The following MACO1 variants were observed in gnomAD, a reference collection of about 807,000 sequenced individuals.
The protein encoded by MACO1 is macoilin 1.
In MACO1, 14 loss-of-function variants were observed where a neutral mutation model predicts 78.7. The ratio of observed to expected loss-of-function variants is 0.18; its 90% CI spans 0.12 to 0.28. The LOEUF (loss-of-function observed/expected upper bound fraction) is 0.28, where lower values mean the gene tolerates loss of function less well. MACO1 is among the 10% of genes least tolerant of loss of function. MACO1 has a pLI of 1.00. For synonymous variants in MACO1, 288 were observed against 291.6 expected (o/e 0.99, Z 0.12); for missense variants, 501 against 799.0 (o/e 0.63, Z 4.50).
chr1:25,449,518 C>T (rs369602066), intron 3 of MACO1, among the ~76,000 whole-genome samples: 10 of 152,072 alleles, frequency 6.6e-5, no homozygotes, highest in East Asian at 1.9e-4. Flanking sequence ...TTTTTGGGCT[C>T]GTTGATTTCT....
chr1:25,446,985 C>A (rs959381547), intron 2 of MACO1, 82 bp downstream of exon 2: 2 of 1,487,884 alleles, frequency 1.3e-6, no homozygotes, highest in African/African-American at 2.8e-5. Flanking sequence ...ACTCAGGTAA[C>A]TATGTTAGGA....
intron 1 of MACO1, among the ~76,000 whole-genome samples, chr1:25,440,234 A>G (rs899625760): frequency 4.0e-5 from 6 of 148,888 alleles, no homozygotes; most frequent in Non-Finnish European, 8.9e-5. Flanking sequence ...TCTCTACAAA[A>G]AAAAAAAAAA....
At chr1:25,497,060 G>A (rs1314378036) in intron 10 of MACO1, among the ~76,000 whole-genome samples, 3 of 152,170 alleles carry the variant, frequency 2.0e-5, no homozygotes. Flanking sequence ...ATAAGTGACA[G>A]AAAGGGAAGT....
intron 3 of MACO1, among the ~76,000 whole-genome samples, chr1:25,453,950 C>T (rs977147807): frequency 1.3e-5 from 2 of 151,996 alleles, no homozygotes; most frequent in South Asian, 2.1e-4. Context: ...TTTTGTGACT[C>T]GTAAATTATT....
chr1:25,431,019 C>G lies in MACO1; in HGVS notation c.-80C>G, dbSNP rs1234408532. 3.8e-5 allele frequency: 48 copies of G among 1,267,956 alleles called. No individual in the cohort carries two copies. The highest frequency in any genetic ancestry group is 7.5e-6 in the Non-Finnish European group (7 of 932,094). 78.5% of individuals were successfully genotyped at this position (1,267,956 alleles called of 1,614,324 possible). ...CCTCAGGGGTAGAGTCCAGGCCCGACGCGGGGCGGGCCAGCGGCGGCGGCA... is the reference window on the plus strand; with the variant it reads ...CCTCAGGGGTAGAGTCCAGGCCCGAGGCGGGGCGGGCCAGCGGCGGCGGCA... On this transcript the variant is annotated 5_prime_UTR_variant, in exon 1 of 11. Coordinates refer to ENST00000374343, the MANE Select transcript of MACO1 (RefSeq NM_018202.6).
At chr1:25,489,068 G>A in intron 8 of MACO1, 105 bp from the exon 9 acceptor site, 5 of 1,385,762 alleles carry the variant, frequency 3.6e-6, no homozygotes, top group Non-Finnish European at 4.8e-6. Flanking sequence ...TAATCTGCCT[G>A]CCTCGGCCTC....
Position 25,458,583 on chromosome 1 carries a change from A to C in MACO1, c.845A>C (p.Lys282Thr). 1 of 1,613,834 alleles carries C rather than the reference A, an allele frequency of 6.2e-7. No homozygotes were observed. Among genetic ancestry groups the C allele is most frequent in the Non-Finnish European group, 8.5e-7 (1 of 1,179,944 alleles). The stretch of plus-strand genomic sequence containing the variant: ...AATATTCTACAACCTGTAGACTCTA[A>C]AATACAAGAGATTGAGTATATGGAA... ...NNNILQPVDS[K>T]IQEIEYMENH... Residue 282 changes from lysine (K) to threonine (T), a missense_variant, in exon 6 of 11, where the codon AAA becomes ACA. Around this residue, in one of 5 missense-constraint regions of MACO1, gnomAD observed 90 missense variants for 85.7 expected, o/e 1.05. Transcript: ENST00000374343.
Position 25,448,924 on chromosome 1 carries a change from A to G in MACO1, c.339A>G (p.Val113=), listed in dbSNP as rs569961532. The G allele has an allele frequency of 5.4e-6, 8 of 1,479,284 alleles. No homozygotes were observed. Among genetic ancestry groups the G allele is most frequent in the Middle Eastern group, 1.8e-4 (1 of 5,568 alleles). The allele number at this position is 1,479,284 out of a possible 1,614,324, so 91.6% of individuals were successfully genotyped here. A position where few individuals can be genotyped will look rare whatever the true frequency, so the allele number is the denominator to read the frequency against. The part of the protein sequence containing the change: ...AASTYVWVQY[V]WHTERGVCLP... Reference sequence around the variant, plus strand: ...GCACATATGTATGGGTTCAGTACGTATGGCACACAGGTAAGTCTTAATGAT... The same window carrying G: ...GCACATATGTATGGGTTCAGTACGTGTGGCACACAGGTAAGTCTTAATGAT... Residue 113 remains valine (V), a synonymous_variant, in exon 3 of 11, where the codon GTA becomes GTG. Coordinates refer to ENST00000374343, the MANE Select transcript of MACO1 (RefSeq NM_018202.6).
chr1:25,468,597 A>T (rs1415885819), intron 6 of MACO1, among the ~76,000 whole-genome samples: 1 of 152,198 alleles, frequency 6.6e-6, no homozygotes, highest in Non-Finnish European at 1.5e-5. Context: ...TCACTCTTTT[A>T]TTCCGCTCCA....
chr1:25,431,133 G>C lies in MACO1; in HGVS notation c.35G>C (p.Arg12Pro), dbSNP rs1169399691. The C allele has an allele frequency of 6.3e-7, 1 of 1,598,148 alleles. No individual in the cohort carries two copies. The highest frequency in any genetic ancestry group is 1.1e-5 in the South Asian group (1 of 89,448). The change falls in exon 1 of 11, where the codon CGC becomes CCC. Residue 12 changes from arginine (R) to proline (P), a missense_variant. Arg to Pro is a moderately radical substitution (Grantham distance 103). Coordinates refer to ENST00000374343, the MANE Select transcript of MACO1 (RefSeq NM_018202.6). ...KRRNADCSKL[R>P]RPLKRNRITE... ...CGGAACGCCGACTGCAGTAAGCTCC[G>C]CCGCCCCCTAAAGCGGAACCGGATC...
chr1:25,484,099 A>G lies in MACO1; in HGVS notation c.1155-17A>G, dbSNP rs755535986. On this transcript the variant is annotated splice_polypyrimidine_tract_variant and intron_variant, in intron 6 of 10. Coordinates refer to ENST00000374343, the MANE Select transcript of MACO1 (RefSeq NM_018202.6). ...GCCCTCACCTAGATGAAAATGCTGC[A>G]TTTCTCATTCTCCTAGGCTGGAACA... 2 of 1,599,578 alleles carry G rather than the reference A, an allele frequency of 1.3e-6. No individual in the cohort carries two copies. Among genetic ancestry groups the G allele is most frequent in the Non-Finnish European group, 1.7e-6 (2 of 1,174,208 alleles).
At chr1:25,466,671 C>G (rs1232851084) in intron 6 of MACO1, among the ~76,000 whole-genome samples, 1 of 152,164 alleles carries the variant, frequency 6.6e-6, no homozygotes, top group Admixed American at 6.5e-5. Context: ...TCTAAGAGTT[C>G]TTCGTATATT....
intron 3 of MACO1, among the ~76,000 whole-genome samples, chr1:25,450,266 C>T (rs1302537797): frequency 2.6e-5 from 4 of 152,158 alleles, no homozygotes; most frequent in African/African-American, 7.2e-5. Flanking sequence ...TCACCCTCCT[C>T]GTCTGCCTGC....
Position 25,431,194 on chromosome 1 carries a change from C to T in MACO1, c.80+16C>T, listed in dbSNP as rs1447488273. The T allele has an allele frequency of 1.2e-5, 19 of 1,579,738 alleles. No individual in the cohort carries two copies. The highest frequency in any genetic ancestry group is 4.2e-5 in the African/African-American group (3 of 71,440). ...TTTACGGCAGGTGAGCGGCTGCACC[C>T]CCACTCCGCGGGCGCGGGCCCTGCG... On this transcript the variant is annotated intron_variant, in intron 1 of 10. Transcript: ENST00000374343.
At chr1:25,473,982 C>G (rs371392753) in intron 6 of MACO1, among the ~76,000 whole-genome samples, 2 of 152,192 alleles carry the variant, frequency 1.3e-5, no homozygotes, top group Admixed American at 6.5e-5. Flanking sequence ...TTACTCCCCC[C>G]ACACTCTGCT....
intron 6 of MACO1, among the ~76,000 whole-genome samples, chr1:25,483,728 C>A (rs922354193): frequency 6.6e-6 from 1 of 152,206 alleles, no homozygotes; most frequent in African/African-American, 2.4e-5. Context: ...AGTGGTAGGT[C>A]ATGTGCTAGT....
In MACO1 at chr1:25,457,585, T is replaced by C. The variant is rs530770983; in HGVS notation, c.652+754T>C. Among the ~76,000 whole-genome samples, 17 of 152,326 alleles carry C rather than the reference T, an allele frequency of 1.1e-4. No individual in the cohort carries two copies. In the East Asian group the frequency reaches 3.3e-3, roughly 29 times the overall value. On this transcript the variant is annotated intron_variant, in intron 5 of 10. Coordinates refer to ENST00000374343, the MANE Select transcript of MACO1 (RefSeq NM_018202.6). ...GAATAGAGCCAAGATGGATAGGTCG[T>C]GTTCTAAATGCTTCATATAATGTAA...
intron 8 of MACO1, among the ~76,000 whole-genome samples, chr1:25,488,638 T>C (rs1420396943): frequency 6.7e-6 from 1 of 149,800 alleles, no homozygotes. Context: ...GGATTACAGA[T>C]GTGTGCCACT....
chr1:25,488,852 C>T (rs536323393), intron 8 of MACO1, among the ~76,000 whole-genome samples: 12 of 152,174 alleles, frequency 7.9e-5, no homozygotes, highest in African/African-American at 2.2e-4. Context: ...GAGTCTCACT[C>T]GGACGCCCAA....
Sources: gnomAD v4.1 joint callset for allele counts (sites outside exome capture counted in the v4.1 genomes callset) on GRCh38, gnomAD v4.1.1 for gene constraint, gnomAD v4.1.1 regional missense constraint, MANE v1.5 for transcripts, NCBI Gene and HGNC (gene_info 2026-07-23, HGNC 2026-07-21) for gene names.